The following TOP1MT variants were observed in gnomAD, a reference collection of about 807,000 sequenced individuals.
TOP1MT encodes the protein DNA topoisomerase I, mitochondrial.
Under a neutral mutation model 73.9 loss-of-function variants are expected in TOP1MT, and 80 were observed. The observed-to-expected ratio is 1.08, with a 90% CI of 0.90 to 1.30. The LOEUF is 1.30. Ranked by LOEUF, TOP1MT falls within the 50% of genes most tolerant of loss-of-function variation. The pLI, the probability that TOP1MT is intolerant of heterozygous loss-of-function variation, is 0.00. For synonymous variants in TOP1MT, 338 were observed against 326.4 expected, an observed-to-expected ratio of 1.04 and a Z score of -0.38; for missense variants, 815 against 808.0, an observed-to-expected ratio of 1.01 and a Z score of -0.10.
intron 3 of TOP1MT, chr8:143,328,101 G>C: frequency 2.6e-6 from 1 of 389,644 alleles, no homozygotes; most frequent in South Asian, 1.9e-5. Flanking sequence ...ACATTGTTAA[G>C]AGAACGCAAA....
At chr8:143,315,958 C>T (rs775860637) in intron 11 of TOP1MT, 41 bp downstream of exon 11, 4 of 1,613,482 alleles carry the variant, frequency 2.5e-6, no homozygotes, top group African/African-American at 2.7e-5. Context: ...GGGGAGGGGT[C>T]CCTTGAGGGC....
chr8:143,326,951 C>T (rs1490596237), intron 3 of TOP1MT, among the ~76,000 whole-genome samples: 1 of 152,142 alleles, frequency 6.6e-6, no homozygotes, highest in Non-Finnish European at 1.5e-5. Context: ...TGAGAGGATG[C>T]CCTGAAGGCT....
rs1817160797 is a variant in TOP1MT at position 143,343,092 on chromosome 8, G to A, written c.29+128C>T. On this transcript the variant is annotated intron_variant, in intron 2 of 5. Coordinates refer to the TOP1MT transcript ENST00000518007. Reference sequence around the variant, plus strand: ...CTTATTTCACCATAAAATCTTAGAAGAAAATCAGACACTAAGTTCATTTGT... The same window carrying A: ...CTTATTTCACCATAAAATCTTAGAAAAAAATCAGACACTAAGTTCATTTGT... 6.9e-6 allele frequency: 3 copies of A among 437,632 alleles called. 1 individual carries two copies. The highest frequency in any genetic ancestry group is 4.8e-5 in the South Asian group (3 of 62,814). 27.1% of individuals were successfully genotyped at this position (437,632 alleles called of 1,614,324 possible).
chr8:143,342,195 GTTA>G (rs74193934), intron 2 of TOP1MT, among the ~76,000 whole-genome samples: 80,096 of 108,410 alleles, frequency 0.74, 29,832 homozygotes, highest in South Asian at 0.84. Context: ...CAGTCTCGCT[GTTA>G]TTATTATTAT....
intron 12 of TOP1MT, among the ~76,000 whole-genome samples, chr8:143,313,153 G>A (rs1226746402): frequency 6.6e-6 from 1 of 152,196 alleles, no homozygotes; most frequent in African/African-American, 2.4e-5. Context: ...AACCTCTTAG[G>A]AGAAAACAGA....
rs770602484 is a variant in TOP1MT, at chr8:143,324,085, C to T, written c.874G>A (p.Glu292Lys). ...TCAGCCCGGTACTGGGAGCGGATCT[C>T]GTCCACAAATCCCCGCAGGCGTCGA... The part of the protein sequence containing the change: ...TARRLRGFVD[E>K]IRSQYRADWK... Residue 292 changes from glutamate to lysine, a missense_variant, in exon 7 of 14, where the codon GAG becomes AAG. By Grantham distance (56) the Glu-to-Lys change is moderately conservative. This residue lies in a region of TOP1MT where 751 missense variants were observed against 725.4 expected (regional missense o/e 1.04). Coordinates refer to ENST00000329245, the MANE Select transcript of TOP1MT (RefSeq NM_052963.3). 9 of 1,613,794 alleles carry T rather than the reference C, an allele frequency of 5.6e-6. No homozygotes were observed. Among genetic ancestry groups the T allele is most frequent in the Non-Finnish European group, 7.6e-6 (9 of 1,180,046 alleles).
At chr8:143,357,292 A>G (rs1817428057), upstream of TOP1MT, among the ~76,000 whole-genome samples, 1 of 151,366 alleles carries the variant, frequency 6.6e-6, no homozygotes, top group Non-Finnish European at 1.5e-5. Flanking sequence ...GCACACCAGT[A>G]GTCCAGCTAC....
rs750632090 is a variant in TOP1MT, at chr8:143,334,813, C to T, written c.49G>A (p.Gly17Arg). ...GAGGCCGGGCGGCGGGGGACCTCCCCGAGCAGCGTCAGAGCCGCCCGGAGC... is the reference window on the plus strand; with the variant it reads ...GAGGCCGGGCGGCGGGGGACCTCCCTGAGCAGCGTCAGAGCCGCCCGGAGC... ...LRLRAALTLL[G>R]EVPRRPASRG... Residue 17 changes from glycine to arginine, a missense_variant, in exon 1 of 14, where the codon GGG becomes AGG. Physicochemically the swap from Gly to Arg is moderately radical, Grantham distance 125. Transcript: ENST00000329245. The T allele has an allele frequency of 6.4e-7, 1 of 1,563,420 alleles. No homozygotes were observed. The highest frequency in any genetic ancestry group is 2.5e-5 in the East Asian group (1 of 39,712).
chr8:143,315,800 C>A lies in TOP1MT; in HGVS notation c.1480G>T (p.Val494Leu). 4 of 1,613,878 alleles carry A rather than the reference C, an allele frequency of 2.5e-6. No individual in the cohort carries two copies. Among genetic ancestry groups the A allele is most frequent in the Non-Finnish European group, 3.4e-6 (4 of 1,180,030 alleles). ...CTCAGCTCTGCCCTGGCCTCAGCCACCTGCTCCTTCTTTGCCTGGATCTGC... is the reference window on the plus strand; with the variant it reads ...CTCAGCTCTGCCCTGGCCTCAGCCAACTGCTCCTTCTTTGCCTGGATCTGC... ...QTKIQAKKEQ[V>L]AEARAELRRA... Residue 494 changes from valine to leucine, a missense_variant, in exon 12 of 14, where the codon GTG becomes TTG. Transcript: ENST00000329245.
upstream of TOP1MT, among the ~76,000 whole-genome samples, chr8:143,357,486 A>G (rs1160793874): frequency 6.6e-6 from 1 of 152,140 alleles, no homozygotes; most frequent in Non-Finnish European, 1.5e-5. Context: ...TGTGAGTTTA[A>G]AAATGAAACA....
chr8:143,321,381 T>G lies in TOP1MT; in HGVS notation c.966A>C (p.Ala322=). ...AVALYFIDKL[A]LRAGNEKEDG... is the part of the protein sequence containing the mutation. Reference sequence around the variant, plus strand: ...CCTCCTTCTCATTTCCTGCTCTCAGTGCCAGCTAGTTGGTGGGGAATGGTC... The same window carrying G: ...CCTCCTTCTCATTTCCTGCTCTCAGGGCCAGCTAGTTGGTGGGGAATGGTC... Residue 322 remains alanine, a synonymous_variant, in exon 8 of 14, where the codon GCA becomes GCC. Coordinates refer to ENST00000329245, the MANE Select transcript of TOP1MT (RefSeq NM_052963.3). 6.3e-7 allele frequency: 1 copy of G among 1,581,630 alleles called. No individual in the cohort carries two copies. The highest frequency in any genetic ancestry group is 1.7e-4 in the Middle Eastern group (1 of 5,878).
intron 1 of TOP1MT, chr8:143,332,595 G>A: frequency 7.8e-7 from 1 of 1,287,902 alleles, no homozygotes; most frequent in Non-Finnish European, 1.0e-6. Flanking sequence ...GGAAGTCTCT[G>A]AAGGGTCTGA....
At chr8:143,324,367 T>C (rs1019777792) in intron 6 of TOP1MT, 118 bp downstream of exon 6, 75 of 1,496,748 alleles carry the variant, frequency 5.0e-5, no homozygotes, top group Admixed American at 1.0e-4. Context: ...CAGCACGGGC[T>C]GGCCGACTCC....
chr8:143,333,923 A>C (rs1816924335), intron 1 of TOP1MT: 1 of 152,430 alleles, frequency 6.6e-6, no homozygotes, highest in Non-Finnish European at 1.5e-5. Context: ...TTGGGTCCCA[A>C]GCTCCTGCAG....
intron 1 of TOP1MT, chr8:143,332,400 C>T: frequency 1.9e-6 from 2 of 1,028,040 alleles, no homozygotes; most frequent in South Asian, 1.3e-5. Flanking sequence ...GTGGGAGCAC[C>T]ATCAGGATGG....
chr8:143,330,824 C>T lies in TOP1MT; in HGVS notation c.238+400G>A, dbSNP rs528133069. 1.3e-4 allele frequency among the ~76,000 whole-genome samples: 20 copies of T among 152,192 alleles called. No homozygotes were observed. The East Asian group carries it at 3.7e-3, about 28-fold the overall frequency. On this transcript the variant is annotated intron_variant, in intron 2 of 13. Coordinates refer to ENST00000329245, the MANE Select transcript of TOP1MT (RefSeq NM_052963.3). ...CAGCGCTCATGTCAACCACGGGCTC[C>T]GCTTCTTGCTGAGAATCACAAGCTG...
upstream of TOP1MT, among the ~76,000 whole-genome samples, chr8:143,347,305 C>T (rs1817241322): frequency 6.6e-6 from 1 of 152,294 alleles, no homozygotes; most frequent in East Asian, 1.9e-4. Context: ...CAGGTGCCCG[C>T]CACCATGCCC....
At chr8:143,318,206 G>C in intron 8 of TOP1MT, 120 bp from the exon 9 acceptor site, 1 of 818,126 alleles carries the variant, frequency 1.2e-6, no homozygotes. Context: ...GGTGGCCCGA[G>C]CAGCATCACC....
At position 143,344,637 on chromosome 8, in the gene TOP1MT, G is replaced by A. The variant is rs1392865391; in HGVS notation, c.-39+279C>T. On this transcript the variant is annotated intron_variant, in intron 1 of 5. Coordinates refer to the TOP1MT transcript ENST00000518007. This position sits in a 1 kb window ranked among gnomAD's most constrained non-coding sequence, Gnocchi z 4.6. ...TCCCCAGCTACAGGGACAGCTGATG[G>A]TCACACAGACCCCACAGCGATCTCT... 1 of 152,734 alleles carries A rather than the reference G, an allele frequency of 6.5e-6. No individual in the cohort carries two copies. Among genetic ancestry groups the A allele is most frequent in the South Asian group, 2.1e-4 (1 of 4,834 alleles). The allele number at this position is 152,734 out of a possible 1,614,324, so 9.5% of individuals were successfully genotyped here.
Sources: allele counts gnomAD v4.1 joint callset (sites outside exome capture counted in the v4.1 genomes callset), GRCh38; gene constraint gnomAD v4.1.1; regional missense constraint gnomAD v4.1.1; non-coding constraint Gnocchi (gnomAD v3.1); transcripts MANE v1.5; gene names NCBI Gene and HGNC (gene_info 2026-07-23, HGNC 2026-07-21).